DNAJC7: variants seen among roughly 807,000 people sequenced by gnomAD.
DNAJC7 encodes DnaJ heat shock protein family (Hsp40) member C7, also known as dnaJ homolog subfamily C member 7.
DNAJC7 carries 18 observed loss-of-function variants against 67.4 expected under a neutral mutation model. The observed-to-expected ratio is 0.27, with a 90% CI of 0.18 to 0.40. The LOEUF (loss-of-function observed/expected upper bound fraction) is 0.40. Among genes scored for constraint, DNAJC7 ranks in the 10% least tolerant of loss-of-function variants. The probability of loss-of-function intolerance (pLI) is 1.00; values close to 1 mark genes in which losing one functional copy is unlikely to be tolerated. For missense variants in DNAJC7, 419 were observed against 613.8 expected (o/e 0.68, Z 3.35); for synonymous variants, 220 against 207.8 (o/e 1.06, Z -0.50).
intron 8 of DNAJC7, 126 bp downstream of exon 8, chr17:41,988,606 A>G (rs955663972): frequency 4.2e-6 from 5 of 1,202,140 alleles, no homozygotes; most frequent in Non-Finnish European, 5.6e-6. Flanking sequence ...AGTTCCTAAC[A>G]AACTATTAAC....
At chr17:42,000,770 C>T (rs564922444) in intron 1 of DNAJC7, among the ~76,000 whole-genome samples, 200 bp from the exon 2 acceptor site, 25 of 152,240 alleles carry the variant, frequency 1.6e-4, no homozygotes, top group African/African-American at 5.3e-4. Context: ...TCTTCAGATG[C>T]TCCTTTTTGT....
chr17:42,011,392 A>G (rs1555651037), intron 1 of DNAJC7: 1 of 152,170 alleles, frequency 6.6e-6, no homozygotes, highest in African/African-American at 2.4e-5. Flanking sequence ...ACTTGGCCCT[A>G]TATTTTCTCA....
rs1466219301 is a variant in DNAJC7 at position 41,977,397 on chromosome 17, C to T, written c.1385-74G>A. ...AGAAATGTTCGAAGAGAACTGATGA[C>T]ACTGAGAACAGATCTCCAAAGCTTT... On this transcript the variant is annotated intron_variant, in intron 12 of 13. Coordinates refer to ENST00000457167, the MANE Select transcript of DNAJC7 (RefSeq NM_003315.4). 10 of 1,324,128 alleles carry T rather than the reference C, an allele frequency of 7.6e-6. No individual in the cohort carries two copies. In the Admixed American group the frequency reaches 1.8e-4, roughly 24 times the overall value. 82.0% of individuals were successfully genotyped at this position (1,324,128 alleles called of 1,614,324 possible).
intron 8 of DNAJC7, 66 bp from the exon 9 acceptor site, chr17:41,987,976 G>T: frequency 1.5e-6 from 2 of 1,356,982 alleles, no homozygotes; most frequent in Non-Finnish European, 2.1e-6. Flanking sequence ...GAAGCTGTGA[G>T]CATGGCTTCA....
intron 10 of DNAJC7, among the ~76,000 whole-genome samples, 153 bp from the exon 11 acceptor site, chr17:41,982,554 C>T (rs1461407101): frequency 2.0e-5 from 3 of 152,094 alleles, no homozygotes; most frequent in South Asian, 2.1e-4. Flanking sequence ...AAAATCTACT[C>T]GGCCAGGCAC....
chr17:42,004,893 T>G (rs1296203184), intron 1 of DNAJC7, among the ~76,000 whole-genome samples: 1 of 152,060 alleles, frequency 6.6e-6, no homozygotes, highest in African/African-American at 2.4e-5. Context: ...GGCATGGTGG[T>G]GCAAGTCTGT....
intron 12 of DNAJC7, among the ~76,000 whole-genome samples, chr17:41,979,835 C>A (rs2051200949): frequency 6.6e-6 from 1 of 151,178 alleles, no homozygotes; most frequent in Non-Finnish European, 1.5e-5. Flanking sequence ...GTGGCGCACA[C>A]CTGTAGTCCC....
chr17:41,995,104 G>A, intron 4 of DNAJC7, 160 bp from the exon 5 acceptor site: 2 of 685,670 alleles, frequency 2.9e-6, no homozygotes, highest in Non-Finnish European at 2.6e-6. Flanking sequence ...GTTGTGAATG[G>A]CCATTTTTAT....
chr17:41,994,506 T>G (rs1396356329), intron 5 of DNAJC7, among the ~76,000 whole-genome samples: 1 of 119,004 alleles, frequency 8.4e-6, no homozygotes, highest in Admixed American at 1.2e-4. Context: ...GGTGACAGAG[T>G]GAGACTAGGC....
chr17:41,994,481 C>T (rs868930099), intron 5 of DNAJC7, among the ~76,000 whole-genome samples: 39 of 142,094 alleles, frequency 2.7e-4, no homozygotes, highest in Middle Eastern at 4.0e-3. Context: ...CAGTTAGCCA[C>T]TGTGCTCCAG....
intron 1 of DNAJC7, chr17:42,011,132 G>A (rs1191105326): frequency 1.3e-5 from 2 of 152,284 alleles, no homozygotes; most frequent in East Asian, 3.9e-4. Context: ...GGGAGAAATG[G>A]GCTCTCAGAG....
chr17:41,988,983 C>A, intron 7 of DNAJC7, 87 bp from the exon 8 acceptor site: 18 of 1,512,668 alleles, frequency 1.2e-5, no homozygotes, highest in Non-Finnish European at 1.6e-5. Context: ...TTTTCAAGTT[C>A]TTTGCTTCCA....
chr17:41,988,594 G>A lies in DNAJC7; in HGVS notation c.918+138C>T, dbSNP rs1460318569. On this transcript the variant is annotated intron_variant, in intron 8 of 13. Coordinates refer to ENST00000457167, the MANE Select transcript of DNAJC7 (RefSeq NM_003315.4). ...ATGACAAAAGCTTGCCTCTTGGAAG[G>A]GAGTTCCTAACAAACTATTAACCAT... is the stretch of plus-strand genomic sequence containing the variant. 16 of 1,058,626 alleles carry A rather than the reference G, an allele frequency of 1.5e-5. No homozygotes were observed. The African/African-American group carries it at 2.7e-4, about 18-fold the overall frequency. The allele number at this position is 1,058,626 out of a possible 1,614,324, so 65.6% of individuals were successfully genotyped here.
At chr17:42,006,816 A>AAAAAAAAAAG (rs2051975032) in intron 1 of DNAJC7, among the ~76,000 whole-genome samples, 1 of 122,600 alleles carries the variant, frequency 8.2e-6, no homozygotes, top group Non-Finnish European at 1.7e-5. Context: ...AAAAAAAAAA[A>AAAAAAAAAAG]AAGTCCAGGC....
chr17:41,999,676 A>G (rs1284768651), intron 2 of DNAJC7, among the ~76,000 whole-genome samples: 6 of 151,902 alleles, frequency 3.9e-5, no homozygotes, highest in African/African-American at 1.5e-4. Context: ...ACGCACCACC[A>G]CACCCAGCAA....
At chr17:41,987,567 G>T in intron 9 of DNAJC7, 1 of 459,864 alleles carries the variant, frequency 2.2e-6, no homozygotes, top group Non-Finnish European at 3.9e-6. Flanking sequence ...AAGGAATTTG[G>T]GTCAGGCATC....
In DNAJC7 at chr17:42,000,463, A is replaced by T; in HGVS notation, c.166+19T>A. On this transcript the variant is annotated intron_variant, in intron 2 of 13. Coordinates refer to ENST00000457167, the MANE Select transcript of DNAJC7 (RefSeq NM_003315.4). ...TGGCAAGTAAATGTTTTCTAGCGTA[A>T]GTATCAGTTCTTTCTCACCTATGGC... 6.4e-7 allele frequency: 1 copy of T among 1,551,542 alleles called. No homozygotes were observed. The highest frequency in any genetic ancestry group is 1.4e-5 in the African/African-American group (1 of 72,806).
chr17:41,980,689 CGCCCAGCTCACAGGTCAGG>C (rs1361620588), intron 12 of DNAJC7, among the ~76,000 whole-genome samples: 1 of 152,058 alleles, frequency 6.6e-6, no homozygotes, highest in African/African-American at 2.4e-5. Context: ...TAAGCCACCG[CGCCCAGCTCACAGGTCAGG>C]GCCTCTTATC....
intron 3 of DNAJC7, 33 bp from the exon 4 acceptor site, chr17:41,996,457 A>G (rs1555648652): frequency 6.3e-7 from 1 of 1,589,742 alleles, no homozygotes; most frequent in Non-Finnish European, 8.6e-7. Context: ...GAAAAGAAGC[A>G]TGATTGGCCA....
Sources: gnomAD v4.1 joint callset for allele counts (sites outside exome capture counted in the v4.1 genomes callset) on GRCh38, gnomAD v4.1.1 for gene constraint, MANE v1.5 for transcripts, NCBI Gene and HGNC (gene_info 2026-07-23, HGNC 2026-07-21) for gene names.